The following CHPT1 variants were observed in gnomAD, a reference collection of about 807,000 sequenced individuals.
CHPT1 encodes cholinephosphotransferase 1.
A neutral mutation model predicts 47.6 loss-of-function variants in CHPT1; 36 were observed. That is an observed-to-expected ratio of 0.76 (90% CI 0.58 to 1.00). CHPT1 has a LOEUF of 1.00. CHPT1 is among the 50% of genes least tolerant of loss of function. The probability of loss-of-function intolerance (pLI) is 0.00; values close to 1 mark genes in which losing one functional copy is unlikely to be tolerated. For synonymous variants in CHPT1, 194 were observed against 186.3 expected (o/e 1.04, Z -0.33); for missense variants, 458 against 498.1 (o/e 0.92, Z 0.77).
In CHPT1 at chr12:101,714,281, TA is replaced by T. The variant is rs374953659; in HGVS notation, c.421+48del. 8.0e-5 allele frequency: 119 copies of T among 1,494,188 alleles called. 2 individuals carry two copies. Among genetic ancestry groups the T allele is most frequent in the South Asian group, 5.8e-4 (43 of 74,478 alleles). 92.6% of individuals were successfully genotyped at this position (1,494,188 alleles called of 1,614,324 possible). ...TTATTTTTTTATGATACCTTAAAAA[TA>T]AAATGAACTGAGCTGTTTGGTCAGT... On this transcript the variant is annotated intron_variant, in intron 2 of 8. Transcript: ENST00000229266.
In CHPT1 at chr12:101,700,703, C is replaced by A. The variant is rs116066534; in HGVS notation, c.273+2569C>A. Among the ~76,000 whole-genome samples the A allele has an allele frequency of 7.5e-3, 1,085 of 143,750 alleles. 12 individuals carry two copies. The highest frequency in any genetic ancestry group is 0.027 in the African/African-American group (1,009 of 37,956). The allele number at this position is 143,750 out of a possible 152,430, so 94.3% of individuals were successfully genotyped here. On this transcript the variant is annotated intron_variant, in intron 1 of 8. Transcript: ENST00000229266. ...TAAAGTGCTTTCACATCCATGGTTG[C>A]ATTTGTGTCTTGTTATCAGCCAAAG...
At chr12:101,727,622 C>T (rs777360654) in intron 8 of CHPT1, 19 of 152,052 alleles carry the variant, frequency 1.2e-4, no homozygotes, top group Non-Finnish European at 2.4e-4. Flanking sequence ...GAATTAAGTA[C>T]ACAGAAAACA....
rs1395389234 is a variant in CHPT1, at chr12:101,709,963, G to A, written c.274-4127G>A. On this transcript the variant is annotated intron_variant, in intron 1 of 8. Transcript: ENST00000229266. ...GATGTAAATTATCACTCCTCCGTATGTTTCACTTTCATCTTTAATAAAAAG... is the reference window on the plus strand; with the variant it reads ...GATGTAAATTATCACTCCTCCGTATATTTCACTTTCATCTTTAATAAAAAG... Among the ~76,000 whole-genome samples, 3 of 148,806 alleles carry A rather than the reference G, an allele frequency of 2.0e-5. 1 individual carries two copies. Among genetic ancestry groups the A allele is most frequent in the Non-Finnish European group, 4.5e-5 (3 of 66,516 alleles).
In CHPT1 at chr12:101,726,376, A is replaced by G. The variant is rs1361748341; in HGVS notation, c.1148A>G (p.Lys383Arg). 1 of 1,613,192 alleles carries G rather than the reference A, an allele frequency of 6.2e-7. No homozygotes were observed. Among genetic ancestry groups the G allele is most frequent in the Non-Finnish European group, 8.5e-7 (1 of 1,179,514 alleles). ...ISRHLHLNIF[K>R]TACHQAPEQV... ...AGACACCTTCATCTAAATATATTCAAGACTGCATGTCATCAAGCACCTGAA... is the reference window on the plus strand; with the variant it reads ...AGACACCTTCATCTAAATATATTCAGGACTGCATGTCATCAAGCACCTGAA... Residue 383 changes from lysine (K) to arginine (R), a missense_variant, in exon 8 of 9, where the codon AAG becomes AGG. Physicochemically the swap from Lys to Arg is conservative, Grantham distance 26. Transcript: ENST00000229266.
intron 1 of CHPT1, among the ~76,000 whole-genome samples, chr12:101,702,139 A>G (rs1951562363): frequency 6.6e-6 from 1 of 152,238 alleles, no homozygotes; most frequent in African/African-American, 2.4e-5. Flanking sequence ...ACATTTATAT[A>G]TGTGATAACC....
At chr12:101,709,939 A>G (rs573061572) in intron 1 of CHPT1, among the ~76,000 whole-genome samples, 1 of 149,106 alleles carries the variant, frequency 6.7e-6, no homozygotes, top group South Asian at 2.1e-4. Context: ...GCTTGCCTTG[A>G]TGTAAATTAT....
chr12:101,716,492 T>C (rs376509535), intron 3 of CHPT1, among the ~76,000 whole-genome samples: 43 of 152,186 alleles, frequency 2.8e-4, no homozygotes, highest in Non-Finnish European at 4.9e-4. Flanking sequence ...ATTTGATATA[T>C]GGTATATATT....
At chr12:101,712,492 G>C (rs890854382) in intron 1 of CHPT1, among the ~76,000 whole-genome samples, 1 of 147,962 alleles carries the variant, frequency 6.8e-6, no homozygotes, top group Non-Finnish European at 1.5e-5. Context: ...TATATTTTTC[G>C]TGCCCCATCC....
intron 4 of CHPT1, among the ~76,000 whole-genome samples, chr12:101,718,912 A>G (rs1951805377): frequency 6.6e-6 from 1 of 151,958 alleles, no homozygotes; most frequent in African/African-American, 2.4e-5. Context: ...TTGTGCCCGT[A>G]AGAAGGTAAA....
chr12:101,718,245 A>G (rs1951793126), intron 4 of CHPT1, among the ~76,000 whole-genome samples: 1 of 152,218 alleles, frequency 6.6e-6, no homozygotes, highest in South Asian at 2.1e-4. Flanking sequence ...TGTAACACCA[A>G]GATTGAACTC....
chr12:101,714,532 C>A lies in CHPT1; in HGVS notation c.450C>A (p.Ala150=). 6.2e-7 allele frequency: 1 copy of A among 1,605,604 alleles called. No homozygotes were observed. Residue 150 remains alanine (A), a synonymous_variant, in exon 3 of 9, where the codon GCC becomes GCA. Coordinates refer to ENST00000229266, the MANE Select transcript of CHPT1 (RefSeq NM_020244.3). ...TTATGGCAGTGGGAGCTTCAATTGC[C>A]GCTCGCTTAGGAACTTATCCTGACT... is the stretch of plus-strand genomic sequence containing the variant. ...TVFMAVGASI[A]ARLGTYPDWF... is the part of the protein sequence containing the mutation.
chr12:101,728,002 C>CACTT (rs1400172413), intron 8 of CHPT1: 18 of 152,268 alleles, frequency 1.2e-4, no homozygotes, highest in African/African-American at 4.3e-4. Flanking sequence ...GTAATCCCAG[C>CACTT]ACTTTGGGAG....
At chr12:101,710,717 C>T (rs1951693117) in intron 1 of CHPT1, among the ~76,000 whole-genome samples, 1 of 148,716 alleles carries the variant, frequency 6.7e-6, no homozygotes, top group South Asian at 2.1e-4. Context: ...AATACCTGAC[C>T]ATGAGACCTG....
intron 3 of CHPT1, among the ~76,000 whole-genome samples, chr12:101,715,578 C>A (rs1055258936): frequency 1.3e-5 from 2 of 152,072 alleles, no homozygotes; most frequent in Admixed American, 1.3e-4. Flanking sequence ...GTGGGTATTA[C>A]CTCCATCTAA....
At chr12:101,698,981 T>C (rs1196411325) in intron 1 of CHPT1, among the ~76,000 whole-genome samples, 2 of 152,230 alleles carry the variant, frequency 1.3e-5, no homozygotes, top group Non-Finnish European at 2.9e-5. Context: ...GTGAAGTCCC[T>C]TTATAATCAT....
chr12:101,708,195 ATTTAGTT>A (rs971059545), intron 1 of CHPT1, among the ~76,000 whole-genome samples: 1 of 152,228 alleles, frequency 6.6e-6, no homozygotes, highest in African/African-American at 2.4e-5. Context: ...TAAAATCATA[ATTTAGTT>A]TTATCTAATC....
chr12:101,716,115 T>C (rs1544922), intron 3 of CHPT1, among the ~76,000 whole-genome samples: 15,506 of 152,120 alleles, frequency 0.1, 909 homozygotes, highest in Middle Eastern at 0.2. Flanking sequence ...GTGAGCCTAT[T>C]CGTGGAGCAT....
intron 1 of CHPT1, among the ~76,000 whole-genome samples, chr12:101,701,796 T>A (rs530106761): frequency 5.0e-4 from 76 of 152,270 alleles, no homozygotes; most frequent in African/African-American, 1.7e-3. Flanking sequence ...AAAACAAACA[T>A]TTGTTTGTTT....
In CHPT1 at chr12:101,711,747, C is replaced by T. The variant is rs993197891; in HGVS notation, c.274-2343C>T. Among the ~76,000 whole-genome samples the T allele has an allele frequency of 1.3e-5, 2 of 148,544 alleles. 1 individual carries two copies. The highest frequency in any genetic ancestry group is 3.0e-5 in the Non-Finnish European group (2 of 66,390). On this transcript the variant is annotated intron_variant, in intron 1 of 8. Transcript: ENST00000229266. Reference sequence around the variant, plus strand: ...ATTTGCTTCAGTTTAGTACCGTTTCCATCTATCTACATATCCCATAACATC... The same window carrying T: ...ATTTGCTTCAGTTTAGTACCGTTTCTATCTATCTACATATCCCATAACATC...
Sources: allele counts gnomAD v4.1 joint callset (sites outside exome capture counted in the v4.1 genomes callset), GRCh38; gene constraint gnomAD v4.1.1; transcripts MANE v1.5; gene names NCBI Gene and HGNC (gene_info 2026-07-23, HGNC 2026-07-21).